MYBPC1: variants seen among roughly 807,000 people sequenced by gnomAD.
MYBPC1 encodes myosin binding protein C1, also known as myosin-binding protein C, slow-type.
A neutral mutation model predicts 147.1 loss-of-function variants in MYBPC1; 52 were observed. The ratio of observed to expected loss-of-function variants is 0.35; its 90% CI spans 0.28 to 0.45. The LOEUF (loss-of-function observed/expected upper bound fraction) is 0.45, where lower values mean the gene tolerates loss of function less well. MYBPC1 is among the 20% of genes least tolerant of loss of function. MYBPC1 has a pLI of 1.00. For synonymous variants in MYBPC1, 477 were observed against 475.9 expected (o/e 1.00, Z -0.03); for missense variants, 1,228 against 1,440.3 (o/e 0.85, Z 2.39).
At chr12:101,625,197 AAT>A (rs199855059) in intron 3 of MYBPC1, among the ~76,000 whole-genome samples, 25 of 134,662 alleles carry the variant, frequency 1.9e-4, no homozygotes, top group East Asian at 3.9e-4. Flanking sequence ...AAAAAAAATA[AAT>A]AAATAAACCT....
In MYBPC1 at chr12:101,642,592, G is replaced by A; in HGVS notation, c.832+7G>A. 1.2e-5 allele frequency: 20 copies of A among 1,606,392 alleles called. No homozygotes were observed. The highest frequency in any genetic ancestry group is 1.7e-5 in the Non-Finnish European group (20 of 1,176,814). On this transcript the variant is annotated splice_region_variant and intron_variant, in intron 11 of 31. Coordinates refer to ENST00000361466, the MANE Select transcript of MYBPC1 (RefSeq NM_002465.4). ...GAGGAGAAGAAGAGCGCAGGTGAGC[G>A]CTCCCGGGGGCGAGGCAGCGGCCGA...
chr12:101,661,313 T>G (rs1896513999), intron 20 of MYBPC1, 51 bp downstream of exon 20: 2 of 1,165,824 alleles, frequency 1.7e-6, no homozygotes, highest in East Asian at 4.7e-5. Context: ...TTGTGTCCTC[T>G]TTACGCATCT....
chr12:101,610,055 C>A (rs773985054), intron 1 of MYBPC1, among the ~76,000 whole-genome samples: 2 of 152,168 alleles, frequency 1.3e-5, no homozygotes, highest in Admixed American at 6.5e-5. Flanking sequence ...GATGCATGAG[C>A]AGTTCCTTCA....
chr12:101,601,842 G>A (rs1030093548), intron 1 of MYBPC1, among the ~76,000 whole-genome samples: 5 of 151,732 alleles, frequency 3.3e-5, no homozygotes, highest in South Asian at 2.1e-4. Context: ...TGGTGATATC[G>A]TTTGCCTTCT....
At chr12:101,632,834 G>A (rs10778131) in intron 8 of MYBPC1, among the ~76,000 whole-genome samples, 37,911 of 152,090 alleles carry the variant, frequency 0.25, 5,010 homozygotes, top group South Asian at 0.38. Context: ...GGTTCAAGCA[G>A]TTCTCATGCC....
intron 10 of MYBPC1, chr12:101,636,986 C>T (rs992035427): frequency 1.4e-4 from 25 of 181,006 alleles, no homozygotes; most frequent in Admixed American, 2.2e-4. Context: ...TAAATGGGGA[C>T]GAAGAGATAT....
At chr12:101,655,835 C>T (rs569934049) in intron 18 of MYBPC1, among the ~76,000 whole-genome samples, 1 of 152,116 alleles carries the variant, frequency 6.6e-6, no homozygotes, top group East Asian at 1.9e-4. Flanking sequence ...CTCAGATCTA[C>T]ATAAAGAAAG....
chr12:101,637,055 T>TCA, intron 10 of MYBPC1: 3 of 290,850 alleles, frequency 1.0e-5, no homozygotes, highest in Non-Finnish European at 1.3e-5. Context: ...TATGATTTGG[T>TCA]AGAAGTCTGA....
At chr12:101,624,230 ATATAT>A (rs1197289419) in intron 3 of MYBPC1, among the ~76,000 whole-genome samples, 2 of 152,144 alleles carry the variant, frequency 1.3e-5, no homozygotes, top group Admixed American at 6.5e-5. Context: ...AATGATATTA[ATATAT>A]TATATTAGTA....
intron 18 of MYBPC1, among the ~76,000 whole-genome samples, chr12:101,656,572 T>A (rs1056569206): frequency 1.3e-5 from 2 of 152,096 alleles, no homozygotes; most frequent in African/African-American, 2.4e-5. Flanking sequence ...CAATGCAGAC[T>A]ACAAAGCGAA....
At chr12:101,659,863 T>G in intron 19 of MYBPC1, 32 bp downstream of exon 19, 1 of 1,612,654 alleles carries the variant, frequency 6.2e-7, no homozygotes, top group Non-Finnish European at 8.5e-7. Flanking sequence ...ACTTCTAGAA[T>G]CAAGCTGACA....
At chr12:101,661,336 C>T in intron 20 of MYBPC1, 74 bp downstream of exon 20, 1 of 931,180 alleles carries the variant, frequency 1.1e-6, no homozygotes, top group African/African-American at 1.6e-5. Context: ...GTACAGAGCA[C>T]ATTTTAAAGT....
intron 1 of MYBPC1, among the ~76,000 whole-genome samples, chr12:101,597,643 A>C (rs142340903): frequency 2.6e-4 from 40 of 152,334 alleles, no homozygotes; most frequent in African/African-American, 7.9e-4. Context: ...AGACTCTTGG[A>C]ATATGCTGGG....
intron 18 of MYBPC1, among the ~76,000 whole-genome samples, chr12:101,659,183 A>G (rs1321037827): frequency 6.6e-6 from 1 of 152,256 alleles, no homozygotes; most frequent in African/African-American, 2.4e-5. Context: ...GCCTTCTTCA[A>G]TCCTTTTCGG....
chr12:101,654,797 T>G (rs746345813), intron 18 of MYBPC1, among the ~76,000 whole-genome samples: 8 of 152,182 alleles, frequency 5.3e-5, no homozygotes, highest in Non-Finnish European at 7.3e-5. Context: ...TCATTCACAG[T>G]GCATTGAGTA....
intron 1 of MYBPC1, 38 bp from the exon 2 acceptor site, chr12:101,614,458 A>C (rs1232837925): frequency 6.2e-7 from 1 of 1,613,078 alleles, no homozygotes; most frequent in African/African-American, 1.3e-5. Context: ...CTCTGTGATA[A>C]ATGAGCCTGA....
rs757074197 is a variant in MYBPC1, at chr12:101,677,384, C to A, written c.3099C>A (p.Ile1033=). ...CCATGACTAAAGAGAGTGCAGTGAT[C>A]GCCAGGGATGGTGAGTTGGGAATGG... The part of the protein sequence containing the change: ...DATMTKESAV[I]ARDGKIYKNP... The change falls in exon 27 of 32, where the codon ATC becomes ATA. Residue 1033 remains isoleucine (I), a synonymous_variant. Coordinates refer to ENST00000361466, the MANE Select transcript of MYBPC1 (RefSeq NM_002465.4). The A allele has an allele frequency of 1.2e-6, 2 of 1,613,830 alleles. No individual in the cohort carries two copies. The highest frequency in any genetic ancestry group is 1.7e-6 in the Non-Finnish European group (2 of 1,179,946).
chr12:101,611,303 C>T (rs1884200092), intron 1 of MYBPC1, among the ~76,000 whole-genome samples: 1 of 152,196 alleles, frequency 6.6e-6, no homozygotes, highest in South Asian at 2.1e-4. Flanking sequence ...TTTAAATTAT[C>T]ATTTTGATTT....
In MYBPC1 at chr12:101,670,350, C is replaced by T. The variant is rs374284675; in HGVS notation, c.2554C>T (p.Leu852=). ...TCCAAAGATTCGCATTCCAAGACAC[C>T]TGAAGCAAACCTATATCCGCAGAGT... is the stretch of plus-strand genomic sequence containing the variant. ...EPPKIRIPRH[L]KQTYIRRVGE... Residue 852 remains leucine (L), a synonymous_variant, in exon 24 of 32, where the codon CTG becomes TTG. Coordinates refer to ENST00000361466, the MANE Select transcript of MYBPC1 (RefSeq NM_002465.4). The T allele has an allele frequency of 6.2e-7, 1 of 1,614,096 alleles. No individual in the cohort carries two copies. Among genetic ancestry groups the T allele is most frequent in the African/African-American group, 1.3e-5 (1 of 75,040 alleles).
Sources: allele counts gnomAD v4.1 joint callset (sites outside exome capture counted in the v4.1 genomes callset), GRCh38; gene constraint gnomAD v4.1.1; transcripts MANE v1.5; gene names NCBI Gene and HGNC (gene_info 2026-07-23, HGNC 2026-07-21).